Variants in SHROOM4 observed in about 807,000 individuals in gnomAD.
The protein encoded by SHROOM4 is protein Shroom4.
In SHROOM4, 17 loss-of-function variants were observed where a neutral mutation model predicts 80.3. The ratio of observed to expected loss-of-function variants is 0.21; its 90% CI spans 0.14 to 0.32. The LOEUF is 0.32. SHROOM4 is among the 10% of genes least tolerant of loss of function. The pLI, the probability that SHROOM4 is intolerant of heterozygous loss-of-function variation, is 1.00. For missense variants in SHROOM4, 993 were observed against 1,140.3 expected (o/e 0.87, Z 1.86); for synonymous variants, 400 against 437.5 (o/e 0.91, Z 1.07).
In SHROOM4 at chrX:50,591,332, T is replaced by C. The variant is rs782533565; in HGVS notation, c.*5363A>G. Among the ~76,000 whole-genome samples the C allele has an allele frequency of 8.9e-6, 1 of 112,378 alleles. No individual in the cohort carries two copies. The highest frequency in any genetic ancestry group is 3.7e-4 in the South Asian group (1 of 2,677). ...CAGTAAGTTTTGAAGTTGGGATGTA[T>C]GAGCCCTCCAACTGTTCTTTTTAAA... On this transcript the variant is annotated 3_prime_UTR_variant, in exon 9 of 9. Transcript: ENST00000376020.
At chrX:50,744,592 CTGAGCTCCCTCAAAGG>C (rs1156462003) in intron 1 of SHROOM4, among the ~76,000 whole-genome samples, 1 of 111,891 alleles carries the variant, frequency 8.9e-6, no homozygotes, top group African/African-American at 3.2e-5. Flanking sequence ...CGTACAACAT[CTGAGCTCCCTCAAAGG>C]TGATTTATAT....
intron 1 of SHROOM4, among the ~76,000 whole-genome samples, chrX:50,768,113 A>C (rs2147645113): frequency 8.9e-6 from 1 of 112,206 alleles, no homozygotes; most frequent in South Asian, 3.8e-4. Context: ...TAAAAACAAA[A>C]TGTTGGTTCT....
At chrX:50,710,293 AG>A (rs1933779332) in intron 1 of SHROOM4, among the ~76,000 whole-genome samples, 1 of 111,800 alleles carries the variant, frequency 8.9e-6, no homozygotes, top group South Asian at 3.7e-4. Context: ...GGTCAGATAA[AG>A]AAAAGGTGAT....
chrX:50,754,950 G>A (rs142599455), intron 1 of SHROOM4, among the ~76,000 whole-genome samples: 2,073 of 112,243 alleles, frequency 0.018, 21 homozygotes, highest in Non-Finnish European at 0.031. Context: ...ACTTCAGGCA[G>A]ATCATTTTAA....
At chrX:50,679,345 C>T (rs1932897422) in intron 2 of SHROOM4, among the ~76,000 whole-genome samples, 1 of 111,877 alleles carries the variant, frequency 8.9e-6, no homozygotes, top group Non-Finnish European at 1.9e-5. Context: ...TTCAACTCCG[C>T]ACTTCTGCTC....
chrX:50,645,287 T>C (rs1931783728), intron 2 of SHROOM4, among the ~76,000 whole-genome samples: 1 of 112,025 alleles, frequency 8.9e-6, no homozygotes, highest in African/African-American at 3.3e-5. Flanking sequence ...TAAAATCTCT[T>C]TTCATTTCAT....
chrX:50,743,074 C>G lies in SHROOM4; in HGVS notation c.118-47137G>C, dbSNP rs895580271. Among the ~76,000 whole-genome samples the G allele has an allele frequency of 3.7e-5, 4 of 107,398 alleles. 1 individual carries two copies. The South Asian group carries it at 1.7e-3, about 46-fold the overall frequency. 93.3% of individuals were successfully genotyped at this position (107,398 alleles called of 115,157 possible). The stretch of plus-strand genomic sequence containing the variant: ...GGCCATTGGGACCTCTTTCAATTGA[C>G]TCCAGTGTCCTTTTGACATAACCCA... On this transcript the variant is annotated intron_variant, in intron 1 of 8. Coordinates refer to ENST00000376020, the MANE Select transcript of SHROOM4 (RefSeq NM_020717.5).
chrX:50,762,990 C>A (rs1412155857), intron 1 of SHROOM4, among the ~76,000 whole-genome samples: 1 of 110,816 alleles, frequency 9.0e-6, no homozygotes, highest in Non-Finnish European at 1.9e-5. Context: ...TTTTTCCTGC[C>A]CCATTTATAC....
chrX:50,692,603 C>T (rs1933249741), intron 2 of SHROOM4, among the ~76,000 whole-genome samples: 1 of 111,279 alleles, frequency 9.0e-6, no homozygotes, highest in Non-Finnish European at 1.9e-5. Context: ...AAAACAAAAA[C>T]GCTTCCAAAT....
At chrX:50,750,170 A>G (rs1221080727) in intron 1 of SHROOM4, among the ~76,000 whole-genome samples, 1 of 112,311 alleles carries the variant, frequency 8.9e-6, no homozygotes, top group African/African-American at 3.2e-5. Flanking sequence ...AAAGAATGCC[A>G]TATGTGCCAG....
intron 1 of SHROOM4, among the ~76,000 whole-genome samples, chrX:50,754,650 TC>T (rs1935000465): frequency 9.0e-6 from 1 of 111,008 alleles, no homozygotes; most frequent in Non-Finnish European, 1.9e-5. Flanking sequence ...CTCAAATCAA[TC>T]AAAAGGTTTG....
intron 1 of SHROOM4, among the ~76,000 whole-genome samples, chrX:50,813,666 T>G (rs781792776): frequency 8.0e-4 from 90 of 112,067 alleles, no homozygotes; most frequent in Non-Finnish European, 1.5e-3. Context: ...CGCGAGTGTG[T>G]CTGCGCGCAA....
At chrX:50,607,042 C>T (rs982497864) in intron 6 of SHROOM4, among the ~76,000 whole-genome samples, 8 of 109,395 alleles carry the variant, frequency 7.3e-5, no homozygotes, top group African/African-American at 2.3e-4. Context: ...GTGTTCAATG[C>T]CTTTGGGATC....
In SHROOM4 at chrX:50,635,569, G is replaced by A. The variant is rs1557255911; in HGVS notation, c.504C>T (p.Ala168=). The A allele has an allele frequency of 6.6e-6, 8 of 1,210,592 alleles. No homozygotes were observed. Among genetic ancestry groups the A allele is most frequent in the Admixed American group, 2.2e-5 (1 of 45,933 alleles). Residue 168 remains alanine (A), a synonymous_variant, in exon 4 of 9, where the codon GCC becomes GCT. Transcript: ENST00000376020. ...TAGGCAACAGATGGCTCTCATAGGT[G>A]GCTTGGCCTGGTTGCTCCAGGCTCT... ...SMESLEQPGQ[A]TYESHLLPID...
chrX:50,607,316 G>C, intron 6 of SHROOM4, 65 bp downstream of exon 6: 1 of 1,144,078 alleles, frequency 8.7e-7, no homozygotes, highest in South Asian at 1.9e-5. Flanking sequence ...GTAAATAGTG[G>C]AGGTAAAATT....
intron 2 of SHROOM4, among the ~76,000 whole-genome samples, chrX:50,666,865 AACT>A (rs1241725216): frequency 9.0e-6 from 1 of 111,371 alleles, no homozygotes; most frequent in East Asian, 2.8e-4. Context: ...GGAAAAAAAA[AACT>A]ACCATGTATA....
intron 3 of SHROOM4, among the ~76,000 whole-genome samples, chrX:50,637,014 T>C (rs1292831534): frequency 9.0e-6 from 1 of 111,398 alleles, no homozygotes; most frequent in East Asian, 2.8e-4. Context: ...ATCAGGATCC[T>C]CTCTAATACT....
chrX:50,778,710 C>G (rs1055765609), intron 1 of SHROOM4, among the ~76,000 whole-genome samples: 1 of 112,309 alleles, frequency 8.9e-6, no homozygotes, highest in Admixed American at 9.4e-5. Flanking sequence ...CTTCTACCAT[C>G]CATGCCCTCA....
chrX:50,788,268 A>G (rs1371724612), intron 1 of SHROOM4, among the ~76,000 whole-genome samples: 3 of 112,153 alleles, frequency 2.7e-5, no homozygotes, highest in Non-Finnish European at 5.6e-5. Context: ...TACAATAACT[A>G]TAAGATATTT....
Sources: allele counts gnomAD v4.1 joint callset (sites outside exome capture counted in the v4.1 genomes callset), GRCh38; gene constraint gnomAD v4.1.1; transcripts MANE v1.5; gene names NCBI Gene and HGNC (gene_info 2026-07-23, HGNC 2026-07-21).